The following B4GALT6 variants were observed in gnomAD, a reference collection of about 807,000 sequenced individuals.
The protein encoded by B4GALT6 is UDP-Gal:beta-GlcNAc beta-1,4-galactosyltransferase 6.
In B4GALT6, 14 loss-of-function variants were observed where a neutral mutation model predicts 46.3. That is an observed-to-expected ratio of 0.30 (90% CI 0.20 to 0.47). B4GALT6 has a LOEUF of 0.47. Ranked by LOEUF, B4GALT6 falls within the 20% of genes least tolerant of loss-of-function variation. B4GALT6 has a pLI of 0.99. For synonymous variants in B4GALT6, 168 were observed against 162.0 expected, an observed-to-expected ratio of 1.04 and a Z score of -0.28; for missense variants, 386 against 480.1, an observed-to-expected ratio of 0.80 and a Z score of 1.83.
intron 2 of B4GALT6, among the ~76,000 whole-genome samples, chr18:31,661,882 C>T (rs2074221887): frequency 6.6e-6 from 1 of 152,170 alleles, no homozygotes; most frequent in Admixed American, 6.6e-5. Context: ...TAATGTCATG[C>T]ATTAACTTTA....
intron 3 of B4GALT6, among the ~76,000 whole-genome samples, chr18:31,653,967 G>C (rs2074108173): frequency 1.3e-5 from 2 of 151,912 alleles, no homozygotes; most frequent in African/African-American, 4.8e-5. Flanking sequence ...TGTTACATTA[G>C]CATTATTTGA....
At chr18:31,702,898 A>G in the B4GALT6 span, among the ~76,000 whole-genome samples, 1 of 152,202 alleles carries the variant, frequency 6.6e-6, no homozygotes, top group African/African-American at 2.4e-5. Context: ...TATGCAGCAC[A>G]ATACTTTTCA....
the B4GALT6 span, among the ~76,000 whole-genome samples, chr18:31,720,570 G>T: frequency 6.6e-6 from 1 of 152,264 alleles, no homozygotes; most frequent in Non-Finnish European, 1.5e-5. Context: ...CCCATGTGGA[G>T]TAGAGGTCCC....
At chr18:31,629,816 C>T (rs1004518869) in intron 6 of B4GALT6, among the ~76,000 whole-genome samples, 1 of 145,540 alleles carries the variant, frequency 6.9e-6, no homozygotes, top group Non-Finnish European at 1.5e-5. Context: ...CACCACTGCA[C>T]TCCAGCATGG....
rs1448416144 is a variant in B4GALT6 at position 31,624,680 on chromosome 18, G to C, written c.*934C>G. 2.0e-5 allele frequency: 3 copies of C among 151,250 alleles called. No homozygotes were observed. In the East Asian group the frequency reaches 5.8e-4, roughly 29 times the overall value. 9.4% of individuals were successfully genotyped at this position (151,250 alleles called of 1,614,324 possible). A position where few individuals can be genotyped will look rare whatever the true frequency, so the allele number is the denominator to read the frequency against. ...GAAGATACTTTTTTTTGGCTCTTCTGAACTGGAAATAATAAAAGTGCTGTT... is the reference window on the plus strand; with the variant it reads ...GAAGATACTTTTTTTTGGCTCTTCTCAACTGGAAATAATAAAAGTGCTGTT... On this transcript the variant is annotated 3_prime_UTR_variant, in exon 9 of 9. Coordinates refer to ENST00000306851, the MANE Select transcript of B4GALT6 (RefSeq NM_004775.5).
chr18:31,697,846 G>T, the B4GALT6 span, among the ~76,000 whole-genome samples: 1 of 152,030 alleles, frequency 6.6e-6, no homozygotes, highest in African/African-American at 2.4e-5. Flanking sequence ...GGTATCTATG[G>T]CTGCTATTTG....
intron 4 of B4GALT6, among the ~76,000 whole-genome samples, chr18:31,643,676 C>G (rs542315988): frequency 2.0e-4 from 30 of 152,248 alleles, no homozygotes; most frequent in Non-Finnish European, 3.5e-4. Context: ...CTACTAATAT[C>G]TTTAAGTAGG....
the B4GALT6 span, among the ~76,000 whole-genome samples, chr18:31,693,312 G>A: frequency 4.6e-5 from 7 of 152,206 alleles, no homozygotes; most frequent in South Asian, 1.2e-3. Context: ...CAAGTACACC[G>A]GTACATCACT....
At chr18:31,658,327 T>C in intron 2 of B4GALT6, 1 of 325,120 alleles carries the variant, frequency 3.1e-6, no homozygotes, top group Non-Finnish European at 5.7e-6. Flanking sequence ...CACACAGACA[T>C]GGCAGTCCCA....
At chr18:31,628,216 C>A (rs1302232492) in intron 6 of B4GALT6, among the ~76,000 whole-genome samples, 1 of 152,170 alleles carries the variant, frequency 6.6e-6, no homozygotes, top group African/African-American at 2.4e-5. Flanking sequence ...GACAACCATA[C>A]TCTCCTGAGA....
chr18:31,647,743 T>A (rs1333649824), intron 3 of B4GALT6, among the ~76,000 whole-genome samples: 1 of 151,978 alleles, frequency 6.6e-6, no homozygotes, highest in Non-Finnish European at 1.5e-5. Context: ...AGGGAGAAGA[T>A]CCTGTACATA....
chr18:31,681,415 G>C (rs138768862), intron 1 of B4GALT6, among the ~76,000 whole-genome samples: 397 of 152,272 alleles, frequency 2.6e-3, no homozygotes, highest in Non-Finnish European at 4.9e-3. Flanking sequence ...TGTGGTGATG[G>C]GGCAGGTGTC....
At chr18:31,648,466 T>TGAAG (rs1220449259) in intron 3 of B4GALT6, among the ~76,000 whole-genome samples, 1 of 152,104 alleles carries the variant, frequency 6.6e-6, no homozygotes, top group Non-Finnish European at 1.5e-5. Context: ...AAGGTCAAGG[T>TGAAG]GAAGGACAGG....
upstream of B4GALT6, among the ~76,000 whole-genome samples, chr18:31,689,512 A>G (rs2030037312): frequency 6.6e-6 from 1 of 152,182 alleles, no homozygotes; most frequent in Non-Finnish European, 1.5e-5. Flanking sequence ...TGGGAGACCA[A>G]GGCGGGTGGA....
intron 1 of B4GALT6, among the ~76,000 whole-genome samples, chr18:31,671,561 G>A (rs373363033): frequency 1.1e-4 from 16 of 152,296 alleles, no homozygotes; most frequent in African/African-American, 3.8e-4. Flanking sequence ...AGAAGTGTCT[G>A]TTCATATCCT....
At chr18:31,719,183 A>G in the B4GALT6 span, 1 of 152,198 alleles carries the variant, frequency 6.6e-6, no homozygotes, top group Non-Finnish European at 1.5e-5. Flanking sequence ...TTAAATTCCA[A>G]TCGGTATATC....
intron 3 of B4GALT6, among the ~76,000 whole-genome samples, chr18:31,645,863 C>T (rs2073985318): frequency 6.6e-6 from 1 of 152,158 alleles, no homozygotes; most frequent in Non-Finnish European, 1.5e-5. Flanking sequence ...ACACAGGGGA[C>T]ACAATGGCAC....
chr18:31,720,779 G>C, the B4GALT6 span, among the ~76,000 whole-genome samples: 5 of 152,214 alleles, frequency 3.3e-5, no homozygotes, highest in African/African-American at 1.2e-4. Context: ...AGTTAGGCCT[G>C]TCAAGCTAAA....
upstream of B4GALT6, among the ~76,000 whole-genome samples, chr18:31,689,721 G>A (rs2030046459): frequency 6.6e-6 from 1 of 152,108 alleles, no homozygotes; most frequent in Non-Finnish European, 1.5e-5. Flanking sequence ...TCCATCCTGA[G>A]CGACAGAGCA....
Sources: allele counts gnomAD v4.1 joint callset (sites outside exome capture counted in the v4.1 genomes callset), GRCh38; gene constraint gnomAD v4.1.1; transcripts MANE v1.5; gene names NCBI Gene and HGNC (gene_info 2026-07-23, HGNC 2026-07-21).